The following MYO16 variants were observed in gnomAD, a reference collection of about 807,000 sequenced individuals.
MYO16 encodes unconventional myosin-XVI.
A neutral mutation model predicts 205.3 loss-of-function variants in MYO16; 94 were observed. The ratio of observed to expected loss-of-function variants is 0.46; its 90% CI spans 0.39 to 0.54. MYO16 has a LOEUF of 0.54. MYO16 is among the 20% of genes least tolerant of loss of function. The pLI, the probability that MYO16 is intolerant of heterozygous loss-of-function variation, is 0.00. For missense variants in MYO16, 2,315 were observed against 2,387.5 expected, an observed-to-expected ratio of 0.97 and a Z score of 0.63; for synonymous variants, 988 against 954.0, an observed-to-expected ratio of 1.04 and a Z score of -0.66.
chr13:108,570,144 G>A, the MYO16 span, among the ~76,000 whole-genome samples: 2 of 152,112 alleles, frequency 1.3e-5, no homozygotes, highest in African/African-American at 4.8e-5. Flanking sequence ...ATTACTTAGG[G>A]TGTGTTTTAT....
rs926027182 is a variant in MYO16, at chr13:109,127,592, C to T, written c.4051+42C>T. Reference sequence around the variant, plus strand: ...GACCCAGCCTCGTGTTCCGGGCTCGCGCATGCTCTGACTTCGCCTTGGGGC... The same window carrying T: ...GACCCAGCCTCGTGTTCCGGGCTCGTGCATGCTCTGACTTCGCCTTGGGGC... On this transcript the variant is annotated intron_variant, in intron 31 of 34. Transcript: ENST00000457511. The surrounding 1 kb of genome is among the most constrained non-coding windows in gnomAD (Gnocchi z 4.2). 5 of 1,590,190 alleles carry T rather than the reference C, an allele frequency of 3.1e-6. No homozygotes were observed. Among genetic ancestry groups the T allele is most frequent in the South Asian group, 1.1e-5 (1 of 89,552 alleles).
chr13:109,057,905 C>T (rs1047986838), intron 27 of MYO16, among the ~76,000 whole-genome samples: 3 of 151,880 alleles, frequency 2.0e-5, no homozygotes, highest in African/African-American at 7.3e-5. Flanking sequence ...GGAAGTGATC[C>T]GCGGGGGCCT....
At chr13:108,885,755 T>G (rs538377444) in intron 13 of MYO16, among the ~76,000 whole-genome samples, 1 of 152,258 alleles carries the variant, frequency 6.6e-6, no homozygotes, top group Admixed American at 6.5e-5. Flanking sequence ...TTGCAGCTGT[T>G]ATAGGTCAGT....
At chr13:108,721,430 G>A (rs1884157706) in intron 3 of MYO16, among the ~76,000 whole-genome samples, 1 of 152,162 alleles carries the variant, frequency 6.6e-6, no homozygotes, top group African/African-American at 2.4e-5. Flanking sequence ...ACATTTTGGG[G>A]TTCTTATGTG....
chr13:108,952,666 A>G (rs1426756293), intron 16 of MYO16, among the ~76,000 whole-genome samples: 1 of 152,216 alleles, frequency 6.6e-6, no homozygotes, highest in Non-Finnish European at 1.5e-5. Context: ...AACAACAGCC[A>G]GAATATTCCC....
At chr13:109,196,029 T>C (rs988588036) in intron 34 of MYO16, among the ~76,000 whole-genome samples, 2 of 152,154 alleles carry the variant, frequency 1.3e-5, no homozygotes, top group African/African-American at 4.8e-5. Flanking sequence ...TTGTGAGAGA[T>C]TTAGTGTTTT....
the MYO16 span, among the ~76,000 whole-genome samples, chr13:108,586,883 A>G: frequency 1.3e-5 from 2 of 152,146 alleles, no homozygotes; most frequent in African/African-American, 4.8e-5. Context: ...ATATTCTGAA[A>G]AGCGCCTATT....
chr13:108,969,324 C>T (rs1486046988), intron 20 of MYO16, among the ~76,000 whole-genome samples: 2 of 152,268 alleles, frequency 1.3e-5, no homozygotes, highest in South Asian at 4.2e-4. Context: ...AATTGTTTAG[C>T]CTCTGCATCT....
Position 108,659,467 on chromosome 13 carries a change from T to C in MYO16, c.29-6419T>C. The C allele has an allele frequency of 6.6e-6, 2 of 304,186 alleles. 1 individual carries two copies. The highest frequency in any genetic ancestry group is 5.5e-5 in the South Asian group (2 of 36,476). The allele number at this position is 304,186 out of a possible 1,614,324, so 18.8% of individuals were successfully genotyped here. ...GGGCTTCTGGCCATAAACTTTTATCTGGAATTGCAGGATAACCATATATGT... is the reference window on the plus strand; with the variant it reads ...GGGCTTCTGGCCATAAACTTTTATCCGGAATTGCAGGATAACCATATATGT... On this transcript the variant is annotated intron_variant, in intron 1 of 34. Transcript: ENST00000457511.
intron 32 of MYO16, among the ~76,000 whole-genome samples, chr13:109,150,692 C>T (rs1041438364): frequency 1.3e-5 from 2 of 152,180 alleles, no homozygotes; most frequent in African/African-American, 2.4e-5. Context: ...ATCTATTGCA[C>T]CTGAAATTCT....
At chr13:109,060,530 T>C (rs1897273) in intron 27 of MYO16, among the ~76,000 whole-genome samples, 74,675 of 151,234 alleles carry the variant, frequency 0.49, 18,456 homozygotes, top group Middle Eastern at 0.55. Context: ...AAATACCTAA[T>C]GCATGTGGGG....
At chr13:108,805,917 T>G (rs1887097351) in intron 6 of MYO16, among the ~76,000 whole-genome samples, 1 of 149,540 alleles carries the variant, frequency 6.7e-6, no homozygotes, top group Non-Finnish European at 1.5e-5. Context: ...TTAAAACTAG[T>G]CTCTACCAAA....
chr13:108,928,434 A>G (rs1285479565), intron 16 of MYO16, among the ~76,000 whole-genome samples: 1 of 152,248 alleles, frequency 6.6e-6, no homozygotes, highest in Non-Finnish European at 1.5e-5. Flanking sequence ...ATAATTACAT[A>G]TAATAAAATG....
intron 31 of MYO16, among the ~76,000 whole-genome samples, chr13:109,129,981 C>CA (rs34860945): frequency 0.011 from 1,066 of 98,890 alleles, 4 homozygotes; most frequent in Middle Eastern, 0.027. Context: ...CTATGGGCAG[C>CA]AAAAAAAAAA....
At chr13:109,134,479 T>C (rs1197761708) in intron 31 of MYO16, among the ~76,000 whole-genome samples, 1 of 152,204 alleles carries the variant, frequency 6.6e-6, no homozygotes, top group African/African-American at 2.4e-5. Flanking sequence ...GGAGCAGTTG[T>C]CACTCTCGGT....
chr13:108,746,510 G>A (rs2060075), intron 4 of MYO16, among the ~76,000 whole-genome samples: 68,220 of 151,752 alleles, frequency 0.45, 15,482 homozygotes, highest in East Asian at 0.55. Flanking sequence ...ATATCAAAAT[G>A]GCTAGAAGAT....
chr13:108,677,349 A>G (rs1188303238), intron 2 of MYO16, among the ~76,000 whole-genome samples: 1 of 89,210 alleles, frequency 1.1e-5, no homozygotes, highest in African/African-American at 4.5e-5. Flanking sequence ...ATATATATAT[A>G]TATATGCATA....
chr13:109,124,449 G>A (rs1198452121), intron 29 of MYO16, among the ~76,000 whole-genome samples: 1 of 152,180 alleles, frequency 6.6e-6, no homozygotes, highest in South Asian at 2.1e-4. Context: ...ATTGAATGAC[G>A]CAATAGAGTG....
chr13:108,598,079 G>C (rs1382853970), intron 1 of MYO16, among the ~76,000 whole-genome samples: 2 of 152,178 alleles, frequency 1.3e-5, no homozygotes, highest in Non-Finnish European at 2.9e-5. Context: ...CAGCACCTTG[G>C]AGATAGCCGC....
Sources: gnomAD v4.1 joint callset for allele counts (sites outside exome capture counted in the v4.1 genomes callset) on GRCh38, gnomAD v4.1.1 for gene constraint, Gnocchi (gnomAD v3.1) non-coding constraint, MANE v1.5 for transcripts, NCBI Gene and HGNC (gene_info 2026-07-23, HGNC 2026-07-21) for gene names.